MARVELD2: variants seen among roughly 807,000 people sequenced by gnomAD.
MARVELD2 encodes MARVEL domain containing 2.
In MARVELD2, 49 loss-of-function variants were observed where a neutral mutation model predicts 57.6. The observed-to-expected ratio is 0.85, with a 90% confidence interval of 0.68 to 1.08. The LOEUF (loss-of-function observed/expected upper bound fraction) is 1.08, where lower values mean the gene tolerates loss of function less well. MARVELD2 is among the 50% of genes least tolerant of loss of function. The pLI is 0.00. For synonymous variants in MARVELD2, 238 were observed against 258.8 expected (o/e 0.92, Z 0.77); for missense variants, 606 against 701.1 (o/e 0.86, Z 1.53).
chr5:69,426,097 C>T (rs1766783536), intron 3 of MARVELD2, among the ~76,000 whole-genome samples: 1 of 151,654 alleles, frequency 6.6e-6, no homozygotes, highest in Non-Finnish European at 1.5e-5. Flanking sequence ...ATTTCTATTC[C>T]ACAATTTACC....
At chr5:69,439,062 CAAAAA>C (rs11315832) in intron 5 of MARVELD2, among the ~76,000 whole-genome samples, 7 of 89,250 alleles carry the variant, frequency 7.8e-5, no homozygotes, top group African/African-American at 1.3e-4. Context: ...GACCCTGTCT[CAAAAA>C]AAAAAAAAAA....
chr5:69,421,625 T>G (rs182804374), intron 2 of MARVELD2, among the ~76,000 whole-genome samples: 107 of 152,162 alleles, frequency 7.0e-4, no homozygotes, highest in African/African-American at 2.2e-3. Context: ...TTTAAAATTT[T>G]TTTAATTTTT....
chr5:69,440,956 C>T (rs1418522687), intron 6 of MARVELD2, among the ~76,000 whole-genome samples: 4 of 152,044 alleles, frequency 2.6e-5, no homozygotes, highest in South Asian at 2.1e-4. Context: ...TGGTGGCACA[C>T]GCCTGTAGCC....
chr5:69,430,814 G>A (rs1194790797), intron 3 of MARVELD2, among the ~76,000 whole-genome samples: 1 of 151,898 alleles, frequency 6.6e-6, no homozygotes, highest in Non-Finnish European at 1.5e-5. Context: ...GATTACAGGC[G>A]TGAGCCACCT....
chr5:69,424,725 C>A, intron 3 of MARVELD2, 89 bp downstream of exon 3: 1 of 1,069,200 alleles, frequency 9.4e-7, no homozygotes, highest in Non-Finnish European at 1.4e-6. Flanking sequence ...TATCGTACAT[C>A]TGTGAAATGT....
At position 69,437,188 on chromosome 5, in the gene MARVELD2, C is replaced by CA. The variant is rs70992937; in HGVS notation, c.1504-3246dup. Among the ~76,000 whole-genome samples, 34 of 113,270 alleles carry CA rather than the reference C, an allele frequency of 3.0e-4. 2 individuals carry two copies. The highest frequency in any genetic ancestry group is 6.4e-4 in the African/African-American group (19 of 29,730). The allele number at this position is 113,270 out of a possible 152,430, so 74.3% of individuals were successfully genotyped here. A position where few individuals can be genotyped will look rare whatever the true frequency, so the allele number is the denominator to read the frequency against. Reference sequence around the variant, plus strand: ...TGGGCGACAGAGCAAGACTTCATCTCAAAAAAAAAAAAAAAAGAAACCATC... The same window carrying CA: ...TGGGCGACAGAGCAAGACTTCATCTCAAAAAAAAAAAAAAAAAGAAACCATC... On this transcript the variant is annotated intron_variant, in intron 5 of 6. Coordinates refer to ENST00000325631, the MANE Select transcript of MARVELD2 (RefSeq NM_001038603.3).
At position 69,441,686 on chromosome 5, in the gene MARVELD2, T is replaced by A; in HGVS notation, c.*32T>A. 6.9e-7 allele frequency: 1 copy of A among 1,457,182 alleles called. No individual in the cohort carries two copies. The highest frequency in any genetic ancestry group is 1.4e-5 in the African/African-American group (1 of 70,720). The allele number at this position is 1,457,182 out of a possible 1,614,324, so 90.3% of individuals were successfully genotyped here. A position where few individuals can be genotyped will look rare whatever the true frequency, so the allele number is the denominator to read the frequency against. On this transcript the variant is annotated 3_prime_UTR_variant, in exon 7 of 7. Coordinates refer to ENST00000325631, the MANE Select transcript of MARVELD2 (RefSeq NM_001038603.3). The stretch of plus-strand genomic sequence containing the variant: ...TTTGAAACCACTTTATTTTTTTATT[T>A]TATTTTATTTTTTTGAGATGAAGTC...
chr5:69,440,995 G>A (rs1196944969), intron 6 of MARVELD2, among the ~76,000 whole-genome samples: 1 of 152,024 alleles, frequency 6.6e-6, no homozygotes, highest in Non-Finnish European at 1.5e-5. Context: ...GAAGTGGGAG[G>A]ATCACTTGTG....
chr5:69,420,287 T>G lies in MARVELD2; in HGVS notation c.902T>G (p.Phe301Cys). ...GAATTTGGAATTAACGTTGCCTTGT[T>G]TATTTTGTATATGGCCGCAGCCATA... is the stretch of plus-strand genomic sequence containing the variant. ...LTEFGINVAL[F>C]ILYMAAAIVY... is the part of the protein sequence containing the mutation. Residue 301 changes from phenylalanine (F) to cysteine (C), a missense_variant, in exon 2 of 7, where the codon TTT becomes TGT. Transcript: ENST00000325631. 1.2e-6 allele frequency: 2 copies of G among 1,614,212 alleles called. No homozygotes were observed. The highest frequency in any genetic ancestry group is 1.7e-6 in the Non-Finnish European group (2 of 1,180,038).
rs894641173 is a variant in MARVELD2, at chr5:69,444,035, C to G, written c.*2381C>G. 3.3e-5 allele frequency: 1 copy of G among 30,180 alleles called. No homozygotes were observed. The highest frequency in any genetic ancestry group is 6.4e-5 in the African/African-American group (1 of 15,566). The allele number at this position is 30,180 out of a possible 1,614,324, so 1.9% of individuals were successfully genotyped here. On this transcript the variant is annotated 3_prime_UTR_variant, in exon 7 of 7. Coordinates refer to ENST00000325631, the MANE Select transcript of MARVELD2 (RefSeq NM_001038603.3). ...AAAAAAAAAAAAAGGTAAAATATTA[C>G]CATTTTGATAGACTGTAAAGAGTTA...
rs114561966 is a variant in MARVELD2, at chr5:69,440,751, A to G, written c.1554+251A>G. Among the ~76,000 whole-genome samples the G allele has an allele frequency of 3.6e-3, 548 of 152,350 alleles. 4 individuals carry two copies. Among genetic ancestry groups the G allele is most frequent in the African/African-American group, 0.012 (512 of 41,576 alleles). On this transcript the variant is annotated intron_variant, in intron 6 of 6. Transcript: ENST00000325631. Reference sequence around the variant, plus strand: ...CTCCACCTGTTCCTTCAAAAAGATGAACTGATTTTACATCTTTCCAACTCT... The same window carrying G: ...CTCCACCTGTTCCTTCAAAAAGATGGACTGATTTTACATCTTTCCAACTCT...
chr5:69,421,763 G>A (rs377188889), intron 2 of MARVELD2, among the ~76,000 whole-genome samples: 11 of 148,014 alleles, frequency 7.4e-5, no homozygotes, highest in Middle Eastern at 3.5e-3. Flanking sequence ...TGCCTGGCCC[G>A]TTTTTTGGTT....
intron 5 of MARVELD2, among the ~76,000 whole-genome samples, chr5:69,436,969 T>C (rs1343916980): frequency 6.6e-6 from 1 of 151,836 alleles, no homozygotes; most frequent in Non-Finnish European, 1.5e-5. Context: ...CCAGGCACAG[T>C]GGCTCATGCC....
intron 3 of MARVELD2, among the ~76,000 whole-genome samples, chr5:69,430,194 C>T (rs1046274396): frequency 1.3e-5 from 2 of 151,874 alleles, no homozygotes; most frequent in African/African-American, 4.8e-5. Context: ...ATGGTGAAAC[C>T]CCATCTCTAC....
chr5:69,431,608 G>A (rs951980872), intron 3 of MARVELD2, among the ~76,000 whole-genome samples: 3 of 152,012 alleles, frequency 2.0e-5, no homozygotes, highest in Non-Finnish European at 2.9e-5. Context: ...TTAAGACTGC[G>A]TGTTTGGCAT....
chr5:69,438,017 C>G (rs1202321758), intron 5 of MARVELD2, among the ~76,000 whole-genome samples: 1 of 152,188 alleles, frequency 6.6e-6, no homozygotes, highest in Non-Finnish European at 1.5e-5. Context: ...AAGTTAGCTT[C>G]TCCTTGGCCA....
At position 69,425,413 on chromosome 5, in the gene MARVELD2, TA is replaced by T. The variant is rs10706532; in HGVS notation, c.1182+790del. Reference sequence around the variant, plus strand: ...GTATAATAAAAAAATATATATATATTAAAAAAAAAAAAAGAAATTGTAGCTG... The same window carrying T: ...GTATAATAAAAAAATATATATATATTAAAAAAAAAAAAGAAATTGTAGCTG... On this transcript the variant is annotated intron_variant, in intron 3 of 6. Coordinates refer to ENST00000325631, the MANE Select transcript of MARVELD2 (RefSeq NM_001038603.3). Among the ~76,000 whole-genome samples, 1,364 of 141,792 alleles carry T rather than the reference TA, an allele frequency of 9.6e-3. 13 individuals are homozygous for T. Among genetic ancestry groups the T allele is most frequent in the South Asian group, 0.046 (207 of 4,524 alleles). 93.0% of individuals were successfully genotyped at this position (141,792 alleles called of 152,430 possible). A position where few individuals can be genotyped will look rare whatever the true frequency, so the allele number is the denominator to read the frequency against.
rs983448114 is a variant in MARVELD2 at position 69,441,925 on chromosome 5, A to C, written c.*271A>C. 3.6e-5 allele frequency: 9 copies of C among 248,758 alleles called. No homozygotes were observed. Among genetic ancestry groups the C allele is most frequent in the Non-Finnish European group, 7.1e-5 (9 of 127,396 alleles). The allele number at this position is 248,758 out of a possible 1,614,324, so 15.4% of individuals were successfully genotyped here. ...GGCTGGGAAACTACTTTTTTTAAAA[A>C]ATAGCAAGTTTACTATTTATTTACT... is the stretch of plus-strand genomic sequence containing the variant. On this transcript the variant is annotated 3_prime_UTR_variant, in exon 7 of 7. Transcript: ENST00000325631.
At position 69,420,499 on chromosome 5, in the gene MARVELD2, C is replaced by A. The variant is rs528326316; in HGVS notation, c.1114C>A (p.Arg372=). ...CLKLWRHEAA[R]RHREYMEQQE... is the part of the protein sequence containing the mutation. ...AAAGTTATGGAGGCATGAGGCAGCTCGGAGACATAGAGAATATATGGAACA... is the reference window on the plus strand; with the variant it reads ...AAAGTTATGGAGGCATGAGGCAGCTAGGAGACATAGAGAATATATGGAACA... The change falls in exon 2 of 7, where the codon CGG becomes AGG. Residue 372 remains arginine, a synonymous_variant. Transcript: ENST00000325631. 14 of 1,612,636 alleles carry A rather than the reference C, an allele frequency of 8.7e-6. No individual in the cohort carries two copies. The highest frequency in any genetic ancestry group is 1.7e-5 in the Admixed American group (1 of 60,010).
Sources: allele counts gnomAD v4.1 joint callset (sites outside exome capture counted in the v4.1 genomes callset), GRCh38; gene constraint gnomAD v4.1.1; transcripts MANE v1.5; gene names NCBI Gene and HGNC (gene_info 2026-07-23, HGNC 2026-07-21).